Variants in SIK3 observed in about 807,000 individuals in gnomAD.
SIK3 encodes serine/threonine-protein kinase SIK3.
A neutral mutation model predicts 144.2 loss-of-function variants in SIK3; 28 were observed. The observed-to-expected ratio is 0.19, with a 90% CI of 0.14 to 0.27. SIK3 has a LOEUF of 0.27. SIK3 is among the 10% of genes least tolerant of loss of function. SIK3 has a pLI of 1.00. For synonymous variants in SIK3, 686 were observed against 676.3 expected (o/e 1.01, Z -0.22); for missense variants, 1,319 against 1,776.0 (o/e 0.74, Z 4.62).
chr11:117,092,820 T>G (rs1232587091), intron 1 of SIK3, among the ~76,000 whole-genome samples: 1 of 152,200 alleles, frequency 6.6e-6, no homozygotes, highest in Non-Finnish European at 1.5e-5. Context: ...TAGAAAACAT[T>G]AGCCAGACTG....
intron 1 of SIK3, among the ~76,000 whole-genome samples, chr11:116,979,211 TAG>T (rs1368094385): frequency 6.6e-6 from 1 of 152,218 alleles, no homozygotes; most frequent in Admixed American, 6.5e-5. Context: ...GAGCAGGAGA[TAG>T]ACAGTTCCTT....
At chr11:117,090,032 G>A (rs1390206627) in intron 1 of SIK3, among the ~76,000 whole-genome samples, 5 of 152,152 alleles carry the variant, frequency 3.3e-5, no homozygotes, top group African/African-American at 4.8e-5. Context: ...ACTCGCTTCC[G>A]CAATTCTATT....
At chr11:117,022,703 T>C (rs1489768046) in intron 1 of SIK3, among the ~76,000 whole-genome samples, 1 of 152,174 alleles carries the variant, frequency 6.6e-6, no homozygotes, top group East Asian at 1.9e-4. Context: ...ATATCTCCTC[T>C]GAGACGGGTT....
At chr11:117,080,858 G>C (rs1954753245) in intron 1 of SIK3, among the ~76,000 whole-genome samples, 2 of 152,102 alleles carry the variant, frequency 1.3e-5, no homozygotes, top group Admixed American at 1.3e-4. Context: ...TGAGGTGGGA[G>C]AATCACTCGA....
chr11:116,881,271 C>T (rs1056272224), intron 6 of SIK3, among the ~76,000 whole-genome samples: 1 of 150,730 alleles, frequency 6.6e-6, no homozygotes, highest in South Asian at 2.1e-4. Context: ...CTTGTGTGTG[C>T]CAGAGAAGCA....
chr11:116,935,800 C>T (rs1168945531), intron 3 of SIK3, among the ~76,000 whole-genome samples: 1 of 152,168 alleles, frequency 6.6e-6, no homozygotes, highest in African/African-American at 2.4e-5. Context: ...AACTAGTCTT[C>T]CAAAGGGAAC....
At chr11:116,897,866 G>A (rs1945499245) in intron 4 of SIK3, among the ~76,000 whole-genome samples, 1 of 150,974 alleles carries the variant, frequency 6.6e-6, no homozygotes, top group Admixed American at 6.6e-5. Context: ...CTGGGCGACA[G>A]AGCAAGACTC....
intron 6 of SIK3, among the ~76,000 whole-genome samples, chr11:116,894,365 G>A (rs929650674): frequency 2.0e-5 from 3 of 152,118 alleles, no homozygotes; most frequent in African/African-American, 7.2e-5. Context: ...TCTCCTAAAT[G>A]CGACTGCCAA....
chr11:116,956,911 T>C (rs781711443), intron 2 of SIK3, 37 bp downstream of exon 2: 2 of 1,315,324 alleles, frequency 1.5e-6, no homozygotes, highest in Non-Finnish European at 2.1e-6. Flanking sequence ...ATATTCTGGG[T>C]TCTTTGCAGC....
intron 1 of SIK3, among the ~76,000 whole-genome samples, chr11:116,961,176 G>T (rs558055409): frequency 5.9e-5 from 9 of 152,346 alleles, no homozygotes; most frequent in African/African-American, 2.2e-4. Flanking sequence ...CTTCACAGCA[G>T]GCCAGGCTCC....
At chr11:117,093,017 A>C (rs999128571) in intron 1 of SIK3, among the ~76,000 whole-genome samples, 3 of 152,236 alleles carry the variant, frequency 2.0e-5, no homozygotes, top group African/African-American at 7.2e-5. Context: ...AATCAGTCTT[A>C]GCTCTTTACA....
At chr11:116,917,562 G>T (rs960677629) in intron 4 of SIK3, among the ~76,000 whole-genome samples, 1 of 151,864 alleles carries the variant, frequency 6.6e-6, no homozygotes, top group Non-Finnish European at 1.5e-5. Flanking sequence ...TTAAAAATTC[G>T]CCAGGCATGG....
At chr11:117,079,742 A>G (rs939174337) in intron 1 of SIK3, among the ~76,000 whole-genome samples, 1 of 149,648 alleles carries the variant, frequency 6.7e-6, no homozygotes. Flanking sequence ...CCATAAAGAG[A>G]AAAAAAAACA....
At chr11:116,974,012 A>G (rs553334301) in intron 1 of SIK3, among the ~76,000 whole-genome samples, 105 of 152,350 alleles carry the variant, frequency 6.9e-4, no homozygotes, top group Non-Finnish European at 1.2e-3. Context: ...GTAAAGTATG[A>G]ACTTTAATAA....
chr11:117,005,415 TG>T (rs1044410331), intron 1 of SIK3, among the ~76,000 whole-genome samples: 1 of 125,142 alleles, frequency 8.0e-6, no homozygotes, highest in Non-Finnish European at 1.7e-5. Context: ...AGCATGGAGG[TG>T]GGAGGTGTTT....
chr11:117,086,084 T>C (rs1307122302), intron 1 of SIK3, among the ~76,000 whole-genome samples: 5 of 152,196 alleles, frequency 3.3e-5, no homozygotes, highest in Admixed American at 2.6e-4. Context: ...GGGCTTCTAT[T>C]GGAGATAAAA....
chr11:116,893,681 G>A (rs922003815), intron 6 of SIK3, among the ~76,000 whole-genome samples: 6 of 151,948 alleles, frequency 3.9e-5, no homozygotes, highest in African/African-American at 1.5e-4. Context: ...AAAAAAGGGA[G>A]TTAGGGAGGA....
intron 1 of SIK3, among the ~76,000 whole-genome samples, chr11:117,033,923 C>T (rs1352087924): frequency 1.1e-4 from 16 of 152,020 alleles, no homozygotes; most frequent in African/African-American, 3.9e-4. Flanking sequence ...GAAGGAATCT[C>T]ACATAAATAA....
At chr11:117,097,578 G>A (rs1053925754) in intron 1 of SIK3, among the ~76,000 whole-genome samples, 1 of 151,988 alleles carries the variant, frequency 6.6e-6, no homozygotes, top group African/African-American at 2.4e-5. Context: ...ATCAGTCTTA[G>A]ATGATCAAAT....
Sources: allele counts gnomAD v4.1 joint callset (sites outside exome capture counted in the v4.1 genomes callset), GRCh38; gene constraint gnomAD v4.1.1; transcripts MANE v1.5; gene names NCBI Gene and HGNC (gene_info 2026-07-23, HGNC 2026-07-21).